The following TESPA1 variants were observed in gnomAD, a reference collection of about 807,000 sequenced individuals.
TESPA1 encodes the protein protein TESPA1.
TESPA1 carries 33 observed loss-of-function variants against 57.9 expected under a neutral mutation model. The observed-to-expected ratio is 0.57, with a 90% CI of 0.43 to 0.76. The LOEUF (loss-of-function observed/expected upper bound fraction) is 0.76, where lower values mean the gene tolerates loss of function less well. TESPA1 is among the 30% of genes least tolerant of loss of function. The pLI is 0.00. For synonymous variants in TESPA1, 227 were observed against 228.9 expected, an observed-to-expected ratio of 0.99 and a Z score of 0.07; for missense variants, 618 against 632.9, an observed-to-expected ratio of 0.98 and a Z score of 0.25.
At position 54,962,530 on chromosome 12, in the gene TESPA1, G is replaced by A. The variant is rs1031728284; in HGVS notation, c.1368C>T (p.Asp456=). The A allele has an allele frequency of 8.1e-6, 13 of 1,613,596 alleles. No individual in the cohort carries two copies. The highest frequency in any genetic ancestry group is 1.3e-5 in the African/African-American group (1 of 74,902). ...NLMGRKVKSL[D]LSITQQKWKQ... ...TCCATTTCTGCTGGGTGATGGACAG[G>A]TCCAAGGACTTAACCTTCCTGCCCA... The change falls in exon 9 of 11, where the codon GAC becomes GAT. Residue 456 remains aspartate (D), a synonymous_variant. Coordinates refer to ENST00000449076, the MANE Select transcript of TESPA1 (RefSeq NM_001136030.3).
chr12:54,957,898 C>A (rs1421065484), intron 10 of TESPA1, among the ~76,000 whole-genome samples: 1 of 152,124 alleles, frequency 6.6e-6, no homozygotes, highest in Non-Finnish European at 1.5e-5. Flanking sequence ...TTTTAAGGCA[C>A]AACCTAATTT....
intron 10 of TESPA1, among the ~76,000 whole-genome samples, chr12:54,954,006 C>T (rs1950576814): frequency 6.6e-6 from 1 of 152,160 alleles, no homozygotes; most frequent in Admixed American, 6.5e-5. Flanking sequence ...CTGTATAATG[C>T]TTCTCTTGCT....
At chr12:54,977,147 T>A (rs963427922) in intron 1 of TESPA1, among the ~76,000 whole-genome samples, 1 of 152,128 alleles carries the variant, frequency 6.6e-6, no homozygotes, top group East Asian at 1.9e-4. Flanking sequence ...ACTCTTCTGA[T>A]TAGAATACAA....
In TESPA1 at chr12:54,973,479, G is replaced by A. The variant is rs368284651; in HGVS notation, c.204C>T (p.Cys68=). Residue 68 remains cysteine, a splice_region_variant and synonymous_variant, in exon 3 of 11, where the codon TGC becomes TGT. Transcript: ENST00000449076. ...INKIEDWLQD[C]GYSEEGFSEE... is the part of the protein sequence containing the mutation. ...CCCATTGCCTGTCCAGCACTTACCC[G>A]CAATCCTGCAGCCAGTCTTCAATTT... 14 of 1,613,796 alleles carry A rather than the reference G, an allele frequency of 8.7e-6. No homozygotes were observed. Among genetic ancestry groups the A allele is most frequent in the Admixed American group, 5.0e-5 (3 of 60,006 alleles).
At chr12:54,983,842 G>A (rs998860910) in intron 1 of TESPA1, among the ~76,000 whole-genome samples, 1 of 152,178 alleles carries the variant, frequency 6.6e-6, no homozygotes, top group Non-Finnish European at 1.5e-5. Context: ...ACTGGGGCAA[G>A]GGGTGTTGGA....
chr12:54,970,208 G>A (rs1008241535), intron 3 of TESPA1, among the ~76,000 whole-genome samples: 1 of 152,080 alleles, frequency 6.6e-6, no homozygotes, highest in African/African-American at 2.4e-5. Context: ...AAAGTGCTGG[G>A]GTTACAGGCA....
intron 5 of TESPA1, 138 bp downstream of exon 5, chr12:54,967,045 G>A: frequency 1.1e-6 from 1 of 888,088 alleles, no homozygotes; most frequent in Non-Finnish European, 1.8e-6. Context: ...AGATAATAAT[G>A]AGACTGCCCT....
In TESPA1 at chr12:54,949,167, G is replaced by A. The variant is rs965259680; in HGVS notation, c.*1225C>T. On this transcript the variant is annotated 3_prime_UTR_variant, in exon 11 of 11. Coordinates refer to ENST00000449076, the MANE Select transcript of TESPA1 (RefSeq NM_001136030.3). Reference sequence around the variant, plus strand: ...GTTCATTTTGTTCTTTTGGTATGGGGAATTAGTAAACACAGATGGTTTAAA... The same window carrying A: ...GTTCATTTTGTTCTTTTGGTATGGGAAATTAGTAAACACAGATGGTTTAAA... 6 of 152,058 alleles carry A rather than the reference G, an allele frequency of 3.9e-5. No homozygotes were observed. Among genetic ancestry groups the A allele is most frequent in the African/African-American group, 1.4e-4 (6 of 41,398 alleles). The allele number at this position is 152,058 out of a possible 1,614,324, so 9.4% of individuals were successfully genotyped here.
At chr12:54,959,163 G>T (rs75500361) in intron 10 of TESPA1, among the ~76,000 whole-genome samples, 2,081 of 152,256 alleles carry the variant, frequency 0.014, 47 homozygotes, top group African/African-American at 0.048. Context: ...TTATGGTTAG[G>T]TCTCAGTCTT....
rs1565829319 is a variant in TESPA1 at position 54,958,501 on chromosome 12, C to CTTT, written c.*1+2666_*1+2667insAAA. On this transcript the variant is annotated intron_variant, in intron 10 of 10. Transcript: ENST00000449076. ...GTGTAGATTTTTGCGTTTTTTTGTG[C>CTTT]GTGTGTTTATTCTTTTCGGTGTTCT... Among the ~76,000 whole-genome samples the CTTT allele has an allele frequency of 6.0e-5, 8 of 134,426 alleles. No individual in the cohort carries two copies. The East Asian group carries it at 8.1e-4, about 14-fold the overall frequency. The allele number at this position is 134,426 out of a possible 152,430, so 88.2% of individuals were successfully genotyped here. A position where few individuals can be genotyped will look rare whatever the true frequency, so the allele number is the denominator to read the frequency against.
At chr12:54,973,408 C>T in intron 3 of TESPA1, 69 bp downstream of exon 3, 1 of 1,605,108 alleles carries the variant, frequency 6.2e-7, no homozygotes, top group South Asian at 1.1e-5. Context: ...TCTGAGTTTC[C>T]AGGAGTTGTG....
rs199690353 is a variant in TESPA1 at position 54,966,433 on chromosome 12, G to A, written c.311-9C>T. On this transcript the variant is annotated splice_polypyrimidine_tract_variant and intron_variant, in intron 5 of 10. Transcript: ENST00000449076. ...GGCGGCCAGTAGTGTGGCTGGACAAGAAACAGAGAAGCAAAGAGCAAATTA... is the reference window on the plus strand; with the variant it reads ...GGCGGCCAGTAGTGTGGCTGGACAAAAAACAGAGAAGCAAAGAGCAAATTA... 7.6e-5 allele frequency: 123 copies of A among 1,612,222 alleles called. No individual in the cohort carries two copies. The highest frequency in any genetic ancestry group is 1.3e-5 in the Non-Finnish European group (15 of 1,179,326).
intron 7 of TESPA1, 84 bp from the exon 8 acceptor site, chr12:54,964,034 C>A: frequency 7.3e-7 from 1 of 1,369,756 alleles, no homozygotes; most frequent in South Asian, 1.3e-5. Flanking sequence ...ATAAAAGTGT[C>A]AGAAGACTGA....
intron 1 of TESPA1, among the ~76,000 whole-genome samples, chr12:54,982,491 C>T (rs1255026892): frequency 6.6e-6 from 1 of 152,236 alleles, no homozygotes; most frequent in Non-Finnish European, 1.5e-5. Flanking sequence ...TCCTCTCCTT[C>T]CCTTTCTTCC....
chr12:54,951,253 C>G (rs1197994542), intron 10 of TESPA1, among the ~76,000 whole-genome samples: 1 of 152,158 alleles, frequency 6.6e-6, no homozygotes, highest in African/African-American at 2.4e-5. Context: ...TAGCTCTTCC[C>G]CCTTCTCTCT....
chr12:54,981,437 G>A (rs1952319831), intron 1 of TESPA1, among the ~76,000 whole-genome samples: 2 of 125,334 alleles, frequency 1.6e-5, no homozygotes, highest in African/African-American at 5.9e-5. Context: ...GGGGGGAGGG[G>A]GGAGAGATAG....
chr12:54,974,331 C>A, intron 2 of TESPA1, 69 bp downstream of exon 2: 2 of 1,429,810 alleles, frequency 1.4e-6, no homozygotes, highest in Non-Finnish European at 1.9e-6. Flanking sequence ...TCACACTCTG[C>A]AGACCTGGGC....
chr12:54,981,402 T>C (rs1308563347), intron 1 of TESPA1, among the ~76,000 whole-genome samples: 1 of 125,240 alleles, frequency 8.0e-6, no homozygotes, highest in East Asian at 2.6e-4. Flanking sequence ...GAAAAGTCTT[T>C]CTTTCCTGGG....
rs190788051 is a variant in TESPA1, at chr12:54,963,544, C to G, written c.655+198G>C. Among the ~76,000 whole-genome samples the G allele has an allele frequency of 2.0e-5, 3 of 152,160 alleles. No homozygotes were observed. The South Asian group carries it at 6.2e-4, about 31-fold the overall frequency. On this transcript the variant is annotated intron_variant, in intron 8 of 10. Coordinates refer to ENST00000449076, the MANE Select transcript of TESPA1 (RefSeq NM_001136030.3). ...AAAGGAAGCAGTAGTGGCCTGAAGT[C>G]TCTTAAAGGCTATTTCTTTAAGAGA... is the stretch of plus-strand genomic sequence containing the variant.
Sources: gnomAD v4.1 joint callset for allele counts (sites outside exome capture counted in the v4.1 genomes callset) on GRCh38, gnomAD v4.1.1 for gene constraint, MANE v1.5 for transcripts, NCBI Gene and HGNC (gene_info 2026-07-23, HGNC 2026-07-21) for gene names.